The following RGS6 variants were observed in gnomAD, a reference collection of about 807,000 sequenced individuals.
The protein encoded by RGS6 is regulator of G protein signaling 6.
Under a neutral mutation model 78.5 loss-of-function variants are expected in RGS6, and 30 were observed. That is an observed-to-expected ratio of 0.38 (90% CI 0.29 to 0.52). RGS6 has a LOEUF of 0.52. Ranked by LOEUF, RGS6 falls within the 20% of genes least tolerant of loss-of-function variation. The pLI is 0.85. For missense variants in RGS6, 495 were observed against 609.7 expected (o/e 0.81, Z 1.98); for synonymous variants, 206 against 206.0 (o/e 1.00, Z 0.00).
At chr14:72,153,442 C>T (rs940923587) in intron 2 of RGS6, among the ~76,000 whole-genome samples, 1 of 152,148 alleles carries the variant, frequency 6.6e-6, no homozygotes, top group Non-Finnish European at 1.5e-5. Flanking sequence ...GATGCTGGTC[C>T]AATATGAGTG....
chr14:72,544,698 G>T (rs964711452), intron 17 of RGS6, among the ~76,000 whole-genome samples: 1 of 152,260 alleles, frequency 6.6e-6, no homozygotes, highest in Non-Finnish European at 1.5e-5. Context: ...AGGCAAGTCA[G>T]ATGGGGAGCG....
intron 7 of RGS6, among the ~76,000 whole-genome samples, chr14:72,467,193 G>T (rs2095940523): frequency 6.6e-6 from 1 of 152,034 alleles, no homozygotes; most frequent in African/African-American, 2.4e-5. Flanking sequence ...GGGTCACAGA[G>T]AATGGGAGAA....
chr14:72,537,089 C>A (rs760295705), intron 16 of RGS6, among the ~76,000 whole-genome samples: 15 of 152,174 alleles, frequency 9.9e-5, no homozygotes, highest in Non-Finnish European at 1.5e-4. Context: ...TTTCAGTACA[C>A]CTGCCCACCC....
intron 17 of RGS6, among the ~76,000 whole-genome samples, chr14:72,544,564 C>T (rs1245294273): frequency 1.3e-5 from 2 of 152,176 alleles, no homozygotes; most frequent in Non-Finnish European, 2.9e-5. Context: ...CGAAGTTTAG[C>T]TTTGCCAAGG....
At chr14:72,316,927 G>GTGTGTA (rs1486045527) in intron 2 of RGS6, among the ~76,000 whole-genome samples, 2 of 151,384 alleles carry the variant, frequency 1.3e-5, no homozygotes, top group Non-Finnish European at 2.9e-5. Context: ...GTGTGTGTGT[G>GTGTGTA]TGTGTGTGTA....
At chr14:72,147,180 G>A (rs1280138663) in intron 2 of RGS6, among the ~76,000 whole-genome samples, 1 of 152,172 alleles carries the variant, frequency 6.6e-6, no homozygotes, top group Non-Finnish European at 1.5e-5. Flanking sequence ...CCCCATTCAT[G>A]ACAATCTATG....
rs1213696482 is a variant in RGS6 at position 72,186,706 on chromosome 14, A to AT, written c.85-165379dup. Among the ~76,000 whole-genome samples, 521 of 150,018 alleles carry AT rather than the reference A, an allele frequency of 3.5e-3. 1 individual carries two copies. The highest frequency in any genetic ancestry group is 9.5e-3 in the African/African-American group (389 of 40,918). On this transcript the variant is annotated intron_variant, in intron 2 of 17. Transcript: ENST00000553525. The stretch of plus-strand genomic sequence containing the variant: ...ACCGACCTCTATTTACTTCATCTAC[A>AT]TTTTTTTTTTCATTTTCTTGCAAAA...
At chr14:72,196,892 T>C (rs1437703173) in intron 2 of RGS6, among the ~76,000 whole-genome samples, 1 of 152,186 alleles carries the variant, frequency 6.6e-6, no homozygotes, top group African/African-American at 2.4e-5. Flanking sequence ...TGAAGCTGAG[T>C]TGGGCAAATG....
intron 2 of RGS6, among the ~76,000 whole-genome samples, chr14:72,247,993 C>T (rs2054661278): frequency 6.6e-6 from 1 of 152,190 alleles, no homozygotes; most frequent in Non-Finnish European, 1.5e-5. Context: ...GACTCTACAA[C>T]CCTAAAGAGG....
intron 1 of RGS6, among the ~76,000 whole-genome samples, chr14:71,962,739 A>G (rs1199784934): frequency 6.6e-6 from 1 of 152,254 alleles, no homozygotes; most frequent in Non-Finnish European, 1.5e-5. Context: ...AATAGTGAAG[A>G]AAGCAGGTAG....
intron 2 of RGS6, among the ~76,000 whole-genome samples, chr14:72,267,379 T>C (rs1389711840): frequency 1.3e-5 from 2 of 152,256 alleles, no homozygotes; most frequent in African/African-American, 2.4e-5. Context: ...ACAGTCATGC[T>C]CATTCGTGTA....
chr14:72,180,920 C>T (rs2097166003), intron 2 of RGS6, among the ~76,000 whole-genome samples: 1 of 152,218 alleles, frequency 6.6e-6, no homozygotes, highest in Admixed American at 6.5e-5. Flanking sequence ...GCCTCCAGAA[C>T]TGTGAGAAAT....
At chr14:71,958,477 GATTAGCATTT>G (rs1372539645) in intron 1 of RGS6, among the ~76,000 whole-genome samples, 1 of 152,212 alleles carries the variant, frequency 6.6e-6, no homozygotes. Flanking sequence ...GCTGCAGAGT[GATTAGCATTT>G]GTTCCATTTT....
the RGS6 span, among the ~76,000 whole-genome samples, chr14:72,584,169 T>C: frequency 6.6e-6 from 1 of 152,166 alleles, no homozygotes; most frequent in Non-Finnish European, 1.5e-5. Context: ...GTCTGGGGTG[T>C]TCAATTTAAT....
chr14:71,889,512 G>A, the RGS6 span, among the ~76,000 whole-genome samples: 1 of 152,044 alleles, frequency 6.6e-6, no homozygotes, highest in Non-Finnish European at 1.5e-5. Flanking sequence ...AAGGGGAGTT[G>A]GAAAAAGTCC....
intron 3 of RGS6, among the ~76,000 whole-genome samples, chr14:72,420,533 C>T (rs2094118238): frequency 6.6e-6 from 1 of 152,268 alleles, no homozygotes; most frequent in African/African-American, 2.4e-5. Context: ...AACCCTGCCC[C>T]CACCCCCATC....
chr14:72,442,592 C>T (rs779200078), intron 3 of RGS6, among the ~76,000 whole-genome samples: 15 of 152,308 alleles, frequency 9.8e-5, no homozygotes, highest in South Asian at 2.1e-4. Context: ...GTCGTAATAA[C>T]GGCAATGACA....
chr14:71,933,325 C>T (rs2088183218), intron 1 of RGS6: 1 of 152,110 alleles, frequency 6.6e-6, no homozygotes, highest in African/African-American at 2.4e-5. Context: ...TGCCTCTAAT[C>T]AGGCGTTCAT....
intron 3 of RGS6, among the ~76,000 whole-genome samples, chr14:72,376,381 T>C (rs73291332): frequency 0.019 from 2,913 of 152,244 alleles, 33 homozygotes; most frequent in Middle Eastern, 0.034. Context: ...TGAACAAATA[T>C]TTGCATTGTG....
Sources: allele counts gnomAD v4.1 joint callset (sites outside exome capture counted in the v4.1 genomes callset), GRCh38; gene constraint gnomAD v4.1.1; transcripts MANE v1.5; gene names NCBI Gene and HGNC (gene_info 2026-07-23, HGNC 2026-07-21).